The following CELA1 variants were observed in gnomAD, a reference collection of about 807,000 sequenced individuals.
CELA1 encodes chymotrypsin like elastase 1.
In CELA1, 28 loss-of-function variants were observed where a neutral mutation model predicts 34.8. The observed-to-expected ratio is 0.80, with a 90% confidence interval of 0.60 to 1.10. CELA1 has a LOEUF of 1.10. Among genes scored for constraint, CELA1 ranks in the 50% least tolerant of loss-of-function variants. The probability of loss-of-function intolerance (pLI) is 0.00; values close to 1 mark genes in which losing one functional copy is unlikely to be tolerated. For synonymous variants in CELA1, 140 were observed against 129.8 expected (o/e 1.08, Z -0.53); for missense variants, 288 against 327.5 (o/e 0.88, Z 0.93).
intron 6 of CELA1, among the ~76,000 whole-genome samples, chr12:51,330,474 G>T (rs1946463172): frequency 6.6e-6 from 1 of 152,120 alleles, no homozygotes; most frequent in Non-Finnish European, 1.5e-5. Flanking sequence ...TGGAAAAACT[G>T]AACAGTCCAA....
chr12:51,329,080 A>T, intron 7 of CELA1, among the ~76,000 whole-genome samples: 1 of 151,880 alleles, frequency 6.6e-6, no homozygotes, highest in Non-Finnish European at 1.5e-5. Flanking sequence ...GTGAAACCCG[A>T]TCTCTACTAA....
At chr12:51,337,163 G>C (rs1182962880) in intron 6 of CELA1, among the ~76,000 whole-genome samples, 5 of 152,124 alleles carry the variant, frequency 3.3e-5, no homozygotes, top group Admixed American at 3.3e-4. Context: ...AACCTCTTCT[G>C]TTAAGGGCCA....
At chr12:51,346,296 G>C (rs1383637444) in intron 1 of CELA1, among the ~76,000 whole-genome samples, 1 of 151,684 alleles carries the variant, frequency 6.6e-6, no homozygotes, top group Non-Finnish European at 1.5e-5. Flanking sequence ...ACCTGCTGAG[G>C]AAGTCCTCCT....
Position 51,329,844 on chromosome 12 carries a change from G to A in CELA1, c.610-11C>T, listed in dbSNP as rs1347111257. The A allele has an allele frequency of 6.3e-7, 1 of 1,592,120 alleles. No individual in the cohort carries two copies. Among genetic ancestry groups the A allele is most frequent in the Admixed American group, 1.8e-5 (1 of 54,300 alleles). On this transcript the variant is annotated splice_polypyrimidine_tract_variant and intron_variant, in intron 6 of 7. Coordinates refer to ENST00000293636, the MANE Select transcript of CELA1 (RefSeq NM_001971.6). ...GCCCCCAGAGTCACCCTGCAGGGAG[G>A]AGAAACAGAATCCTAAAACTCCAGA... is the stretch of plus-strand genomic sequence containing the variant.
intron 6 of CELA1, among the ~76,000 whole-genome samples, chr12:51,330,400 T>A (rs1482895781): frequency 6.6e-6 from 1 of 152,206 alleles, no homozygotes; most frequent in African/African-American, 2.4e-5. Context: ...CTTGCCTCCC[T>A]TCTTACTCAG....
At chr12:51,331,325 GT>G (rs535667600) in intron 6 of CELA1, among the ~76,000 whole-genome samples, 11 of 152,224 alleles carry the variant, frequency 7.2e-5, no homozygotes, top group African/African-American at 2.6e-4. Context: ...GGAGCTGGAG[GT>G]TGTAGTGAGC....
chr12:51,332,745 G>A (rs1037998645), intron 6 of CELA1, among the ~76,000 whole-genome samples: 1 of 152,092 alleles, frequency 6.6e-6, no homozygotes, highest in African/African-American at 2.4e-5. Flanking sequence ...GCTCATGCCT[G>A]TCATCCCAGC....
At chr12:51,340,251 C>G (rs77632888) in intron 5 of CELA1, among the ~76,000 whole-genome samples, 2,118 of 152,244 alleles carry the variant, frequency 0.014, 51 homozygotes, top group African/African-American at 0.048. Flanking sequence ...ACTCCTGCTT[C>G]TTTTCACTCG....
At chr12:51,341,209 C>A (rs1422565395) in intron 5 of CELA1, 35 bp downstream of exon 5, 3 of 1,612,406 alleles carry the variant, frequency 1.9e-6, no homozygotes, top group East Asian at 2.2e-5. Context: ...TAATCAAGAT[C>A]CCCGTGGTGG....
At chr12:51,333,722 T>C (rs1003908762) in intron 6 of CELA1, among the ~76,000 whole-genome samples, 3 of 152,188 alleles carry the variant, frequency 2.0e-5, no homozygotes, top group Admixed American at 6.6e-5. Flanking sequence ...TGGAACTACC[T>C]GTACTCCACC....
Position 51,341,118 on chromosome 12 carries a change from AT to A in CELA1, c.463+125del. 3 of 910,760 alleles carry A rather than the reference AT, an allele frequency of 3.3e-6. No individual in the cohort carries two copies. In the East Asian group the frequency reaches 7.3e-5, roughly 22 times the overall value. 56.4% of individuals were successfully genotyped at this position (910,760 alleles called of 1,614,324 possible). Reference sequence around the variant, plus strand: ...CTTGATATAATGCATCAGTTATTGTATCTATGGTTCTTTTAGCTCCTGGTCT... The same window carrying A: ...CTTGATATAATGCATCAGTTATTGTACTATGGTTCTTTTAGCTCCTGGTCT... On this transcript the variant is annotated intron_variant, in intron 5 of 7. Coordinates refer to ENST00000293636, the MANE Select transcript of CELA1 (RefSeq NM_001971.6).
intron 6 of CELA1, among the ~76,000 whole-genome samples, chr12:51,330,766 C>T (rs1020241072): frequency 4.0e-5 from 6 of 151,416 alleles, no homozygotes; most frequent in African/African-American, 1.5e-4. Context: ...GTCAGGAGAT[C>T]GAGACCATCC....
At chr12:51,344,153 AC>A (rs944346369) in intron 2 of CELA1, among the ~76,000 whole-genome samples, 1 of 152,220 alleles carries the variant, frequency 6.6e-6, no homozygotes, top group Non-Finnish European at 1.5e-5. Flanking sequence ...GTTTCATCTG[AC>A]CTGCCAATTG....
At chr12:51,330,185 C>G (rs528921831) in intron 6 of CELA1, among the ~76,000 whole-genome samples, 2 of 152,168 alleles carry the variant, frequency 1.3e-5, no homozygotes, top group Non-Finnish European at 2.9e-5. Flanking sequence ...AGTTCAATCG[C>G]TTTTATTGGC....
intron 3 of CELA1, among the ~76,000 whole-genome samples, 194 bp from the exon 4 acceptor site, chr12:51,342,894 C>G (rs766777517): frequency 2.6e-5 from 4 of 151,722 alleles, no homozygotes; most frequent in Non-Finnish European, 5.9e-5. Flanking sequence ...ATCCTCCCAC[C>G]GCAGCTTCCC....
intron 6 of CELA1, 61 bp downstream of exon 6, chr12:51,339,799 G>A (rs1392771316): frequency 1.3e-6 from 2 of 1,554,942 alleles, no homozygotes; most frequent in East Asian, 2.3e-5. Flanking sequence ...GTGAGGAAGA[G>A]GGGTGGAGGG....
chr12:51,345,411 T>TGTGC (rs556829058), intron 2 of CELA1, among the ~76,000 whole-genome samples: 53 of 152,246 alleles, frequency 3.5e-4, no homozygotes, highest in African/African-American at 1.3e-3. Context: ...TGTGTGTGTG[T>TGTGC]GCGCGCACAT....
At position 51,329,684 on chromosome 12, in the gene CELA1, A is replaced by G. The variant is rs201763932; in HGVS notation, c.759T>C (p.Asn253=). The G allele has an allele frequency of 5.2e-5, 84 of 1,607,920 alleles. No individual in the cohort carries two copies. In the African/African-American group the frequency reaches 9.0e-4, roughly 17 times the overall value. ...CAACCCATCATTTGAGAGGACTCAC[A>G]TTATTTATCCAGGAGATGTAAGCAG... ...QVSAYISWIN[N]VIASN is the part of the protein sequence containing the mutation. Residue 253 remains asparagine, a splice_region_variant and synonymous_variant, in exon 7 of 8, where the codon AAT becomes AAC. Coordinates refer to ENST00000293636, the MANE Select transcript of CELA1 (RefSeq NM_001971.6).
intron 3 of CELA1, 123 bp from the exon 4 acceptor site, chr12:51,342,823 T>A (rs1946545889): frequency 1.7e-6 from 2 of 1,156,588 alleles, no homozygotes; most frequent in Non-Finnish European, 2.3e-6. Context: ...TTTTTTTTTT[T>A]TTTTAGAGAT....
Sources: gnomAD v4.1 joint callset for allele counts (sites outside exome capture counted in the v4.1 genomes callset) on GRCh38, gnomAD v4.1.1 for gene constraint, MANE v1.5 for transcripts, NCBI Gene and HGNC (gene_info 2026-07-23, HGNC 2026-07-21) for gene names.